NKAIN2: variants seen among roughly 807,000 people sequenced by gnomAD.
The protein encoded by NKAIN2 is sodium/potassium transporting ATPase interacting 2, also known as sodium/potassium-transporting ATPase subunit beta-1-interacting protein 2.
A neutral mutation model predicts 32.6 loss-of-function variants in NKAIN2; 14 were observed. The observed-to-expected ratio is 0.43, with a 90% CI of 0.28 to 0.67. The LOEUF is 0.67. NKAIN2 is among the 30% of genes least tolerant of loss of function. NKAIN2 has a pLI of 0.17. For synonymous variants in NKAIN2, 80 were observed against 87.2 expected (o/e 0.92, Z 0.46); for missense variants, 198 against 258.3 (o/e 0.77, Z 1.60).
At chr6:124,586,059 C>T (rs1781700489) in intron 3 of NKAIN2, among the ~76,000 whole-genome samples, 1 of 152,118 alleles carries the variant, frequency 6.6e-6, no homozygotes, top group South Asian at 2.1e-4. Context: ...GTCTTCAAGT[C>T]AATAGATAGA....
rs879708262 is a variant in NKAIN2, at chr6:123,909,990, TA to T, written c.54+105747del. ...TATATTTTCAAAGAAAAGTCTGCCA[TA>T]AAAAAAAAAATGTAACCGTAACAGT... On this transcript the variant is annotated intron_variant, in intron 1 of 6. Transcript: ENST00000368417. 1.9e-3 allele frequency among the ~76,000 whole-genome samples: 272 copies of T among 145,736 alleles called. 2 individuals carry two copies. Among genetic ancestry groups the T allele is most frequent in the African/African-American group, 3.4e-3 (137 of 39,970 alleles).
intron 3 of NKAIN2, among the ~76,000 whole-genome samples, chr6:124,657,756 A>G (rs550560534): frequency 1.4e-3 from 220 of 151,950 alleles, no homozygotes; most frequent in African/African-American, 5.2e-3. Flanking sequence ...GTATAGCTTT[A>G]AGATTTAAAA....
chr6:124,375,164 C>T (rs1379105779), intron 3 of NKAIN2, among the ~76,000 whole-genome samples: 2 of 151,962 alleles, frequency 1.3e-5, no homozygotes, highest in Non-Finnish European at 2.9e-5. Flanking sequence ...GGTCTACGGT[C>T]ACCTCCTCAA....
rs539634944 is a variant in NKAIN2 at position 123,824,843 on chromosome 6, C to T, written c.54+20589C>T. The stretch of plus-strand genomic sequence containing the variant: ...TGTTTGGAGGGAGGACACCAGGCAA[C>T]CTTTTTGCTTTTCTACCTGATGGAA... On this transcript the variant is annotated intron_variant, in intron 1 of 6. Coordinates refer to ENST00000368417, the MANE Select transcript of NKAIN2 (RefSeq NM_001040214.3). Among the ~76,000 whole-genome samples the T allele has an allele frequency of 2.2e-4, 34 of 152,192 alleles. 1 individual carries two copies. The East Asian group carries it at 6.6e-3, about 29-fold the overall frequency.
intron 1 of NKAIN2, among the ~76,000 whole-genome samples, chr6:123,976,353 A>G (rs1257856552): frequency 4.0e-5 from 1 of 25,306 alleles, no homozygotes; most frequent in African/African-American, 1.9e-4. Flanking sequence ...GTTCCCATAT[A>G]TATATATATA....
chr6:124,733,869 T>G (rs1000358467), intron 4 of NKAIN2, among the ~76,000 whole-genome samples: 2 of 151,802 alleles, frequency 1.3e-5, no homozygotes, highest in African/African-American at 4.8e-5. Context: ...ACATATTTTC[T>G]TGCACTGTCA....
intron 1 of NKAIN2, among the ~76,000 whole-genome samples, chr6:124,250,417 GA>G (rs1309541853): frequency 4.0e-5 from 6 of 151,782 alleles, no homozygotes; most frequent in Non-Finnish European, 8.8e-5. Flanking sequence ...TAAAACTATG[GA>G]CTCCAAATAC....
chr6:124,044,349 C>T (rs940930465), intron 1 of NKAIN2, among the ~76,000 whole-genome samples: 2 of 151,950 alleles, frequency 1.3e-5, no homozygotes, highest in African/African-American at 4.8e-5. Context: ...GGAATGTTTT[C>T]CACAGACTTT....
chr6:124,670,329 C>T (rs745439258), intron 4 of NKAIN2, among the ~76,000 whole-genome samples: 1 of 152,118 alleles, frequency 6.6e-6, no homozygotes, highest in Non-Finnish European at 1.5e-5. Flanking sequence ...CATCACTCTT[C>T]CCTCTGTACA....
At chr6:124,413,833 T>C (rs1218101187) in intron 3 of NKAIN2, among the ~76,000 whole-genome samples, 6 of 152,160 alleles carry the variant, frequency 3.9e-5, no homozygotes, top group Non-Finnish European at 8.8e-5. Context: ...TATATGATTG[T>C]GTATTGCTAA....
In NKAIN2 at chr6:123,823,774, G is replaced by A. The variant is rs957220726; in HGVS notation, c.54+19520G>A. ...GCATCATCAAGAGACTCAAGAAGAG[G>A]AAGGAGCAAACCAGAAGGGTGAAAC... On this transcript the variant is annotated intron_variant, in intron 1 of 6. Coordinates refer to ENST00000368417, the MANE Select transcript of NKAIN2 (RefSeq NM_001040214.3). Among the ~76,000 whole-genome samples, 6 of 152,252 alleles carry A rather than the reference G, an allele frequency of 3.9e-5. No individual in the cohort carries two copies. The South Asian group carries it at 8.3e-4, about 21-fold the overall frequency.
At chr6:124,070,694 T>A (rs1272212006) in intron 1 of NKAIN2, among the ~76,000 whole-genome samples, 1 of 152,152 alleles carries the variant, frequency 6.6e-6, no homozygotes. Context: ...CTATTGCCCA[T>A]TAGAAGTTTC....
At chr6:124,001,511 C>A (rs1779876188) in intron 1 of NKAIN2, among the ~76,000 whole-genome samples, 1 of 151,576 alleles carries the variant, frequency 6.6e-6, no homozygotes, top group South Asian at 2.1e-4. Context: ...TATCATACAC[C>A]ACATTTCATT....
intron 3 of NKAIN2, among the ~76,000 whole-genome samples, chr6:124,618,600 T>C (rs1177941412): frequency 2.6e-5 from 4 of 152,214 alleles, no homozygotes; most frequent in African/African-American, 9.6e-5. Flanking sequence ...AAGGTTGTTC[T>C]CCAAATGAAA....
At chr6:124,637,042 A>T in intron 3 of NKAIN2, among the ~76,000 whole-genome samples, 1 of 152,046 alleles carries the variant, frequency 6.6e-6, no homozygotes, top group Admixed American at 6.6e-5. Context: ...AATAGATGAT[A>T]ATCAAGTAAG....
chr6:124,276,919 C>G (rs9482526), intron 1 of NKAIN2, among the ~76,000 whole-genome samples: 10,547 of 152,152 alleles, frequency 0.069, 503 homozygotes, highest in Admixed American at 0.16. Flanking sequence ...GTGGCAACAT[C>G]CAGCAAAGGG....
chr6:124,549,989 C>T lies in NKAIN2; in HGVS notation c.274-108197C>T, dbSNP rs538126654. ...TTTTGGAGGAGATACTTTGAGACCA[C>T]GCAAGTTTCTGCTTTCTCTTTATGC... On this transcript the variant is annotated intron_variant, in intron 3 of 6. Transcript: ENST00000368417. 2.3e-4 allele frequency among the ~76,000 whole-genome samples: 35 copies of T among 152,256 alleles called. No homozygotes were observed. In the South Asian group the frequency reaches 6.2e-3, roughly 27 times the overall value.
At chr6:124,251,340 C>A (rs1045562714) in intron 1 of NKAIN2, among the ~76,000 whole-genome samples, 8 of 151,896 alleles carry the variant, frequency 5.3e-5, no homozygotes, top group African/African-American at 1.9e-4. Context: ...AGAAAGGTAA[C>A]ATGTCTGTAT....
intron 2 of NKAIN2, among the ~76,000 whole-genome samples, chr6:124,308,943 A>T (rs1796614490): frequency 6.6e-6 from 1 of 152,174 alleles, no homozygotes; most frequent in South Asian, 2.1e-4. Context: ...TACAATTTGG[A>T]GTTTTAAAAG....
Sources: gnomAD v4.1 joint callset for allele counts (sites outside exome capture counted in the v4.1 genomes callset) on GRCh38, gnomAD v4.1.1 for gene constraint, MANE v1.5 for transcripts, NCBI Gene and HGNC (gene_info 2026-07-23, HGNC 2026-07-21) for gene names.